Variants in ENPP3 observed in about 807,000 individuals in gnomAD.
The protein encoded by ENPP3 is ectonucleotide pyrophosphatase/phosphodiesterase family member 3.
Under a neutral mutation model 117.8 loss-of-function variants are expected in ENPP3, and 104 were observed. The observed-to-expected ratio is 0.88, with a 90% confidence interval of 0.75 to 1.04. The LOEUF is 1.04. Ranked by LOEUF, ENPP3 falls within the 50% of genes least tolerant of loss-of-function variation. ENPP3 has a pLI of 0.00. For synonymous variants in ENPP3, 380 were observed against 349.9 expected, an observed-to-expected ratio of 1.09 and a Z score of -0.96; for missense variants, 1,026 against 1,051.9, an observed-to-expected ratio of 0.98 and a Z score of 0.34.
intron 6 of ENPP3, among the ~76,000 whole-genome samples, chr6:131,663,745 CAT>C (rs1778555326): frequency 6.6e-6 from 1 of 151,412 alleles, no homozygotes; most frequent in Non-Finnish European, 1.5e-5. Flanking sequence ...ATTATAATGT[CAT>C]AGTGCAATGC....
intron 6 of ENPP3, among the ~76,000 whole-genome samples, chr6:131,660,226 T>C (rs1778470451): frequency 6.6e-6 from 1 of 152,168 alleles, no homozygotes; most frequent in Non-Finnish European, 1.5e-5. Context: ...ATTAGGATTA[T>C]GTTAGTCTTG....
chr6:131,650,088 T>G lies in ENPP3; in HGVS notation c.216T>G (p.Asp72Glu). 2 of 1,614,092 alleles carry G rather than the reference T, an allele frequency of 1.2e-6. No individual in the cohort carries two copies. Among genetic ancestry groups the G allele is most frequent in the Non-Finnish European group, 8.5e-7 (1 of 1,179,974 alleles). ...SFRGLENCRC[D>E]VACKDRGDCC... The stretch of plus-strand genomic sequence containing the variant: ...GAGGACTGGAGAACTGCCGGTGTGA[T>G]GTGGCATGTAAAGACCGAGGTGATT... The change falls in exon 3 of 25, where the codon GAT becomes GAG. Residue 72 changes from aspartate (D) to glutamate (E), a missense_variant. Physicochemically the swap from Asp to Glu is conservative, Grantham distance 45. Transcript: ENST00000357639.
At chr6:131,695,148 T>G (rs1371955051) in intron 15 of ENPP3, among the ~76,000 whole-genome samples, 1 of 152,098 alleles carries the variant, frequency 6.6e-6, no homozygotes, top group Non-Finnish European at 1.5e-5. Context: ...GTGAACAAAA[T>G]TAAGCTCTAC....
intron 14 of ENPP3, among the ~76,000 whole-genome samples, chr6:131,686,568 C>G (rs1352893928): frequency 2.0e-5 from 3 of 152,092 alleles, no homozygotes; most frequent in Non-Finnish European, 4.4e-5. Flanking sequence ...AGATTTGTTA[C>G]ATGGGAATAT....
chr6:131,638,848 A>C (rs1777981144), intron 1 of ENPP3, among the ~76,000 whole-genome samples: 1 of 151,318 alleles, frequency 6.6e-6, no homozygotes, highest in African/African-American at 2.4e-5. Flanking sequence ...GTATTTTTAG[A>C]GACTGGGTCT....
chr6:131,730,941 C>T (rs570632630), intron 20 of ENPP3, among the ~76,000 whole-genome samples: 3 of 151,530 alleles, frequency 2.0e-5, no homozygotes, highest in Admixed American at 6.6e-5. Context: ...AATTAGACTT[C>T]CTGGGCTGAT....
intron 6 of ENPP3, among the ~76,000 whole-genome samples, chr6:131,669,506 C>A (rs1160509228): frequency 1.3e-5 from 2 of 151,628 alleles, no homozygotes; most frequent in African/African-American, 4.8e-5. Flanking sequence ...AACTCCATCT[C>A]TACTAAAAAA....
intron 6 of ENPP3, among the ~76,000 whole-genome samples, chr6:131,669,728 C>T (rs575413451): frequency 6.6e-6 from 1 of 150,420 alleles, no homozygotes; most frequent in East Asian, 2.0e-4. Context: ...TTTCCTTCTC[C>T]TACCTTCCAA....
intron 9 of ENPP3, 27 bp downstream of exon 9, chr6:131,675,216 C>T (rs758851160): frequency 6.2e-6 from 8 of 1,284,402 alleles, no homozygotes; most frequent in Non-Finnish European, 9.1e-6. Flanking sequence ...AGATATTCTC[C>T]CAGCTAGGCA....
intron 6 of ENPP3, among the ~76,000 whole-genome samples, chr6:131,669,845 A>C (rs967419052): frequency 1.3e-5 from 2 of 152,092 alleles, no homozygotes; most frequent in Admixed American, 6.6e-5. Context: ...CCCCATGTCT[A>C]TTTGAGAAAA....
At chr6:131,726,346 G>C (rs1235042729) in intron 20 of ENPP3, 146 bp downstream of exon 20, 1 of 646,620 alleles carries the variant, frequency 1.5e-6, no homozygotes, top group Non-Finnish European at 2.6e-6. Flanking sequence ...GCAAGTATTA[G>C]ATAAAGGTTG....
At chr6:131,697,614 A>G (rs1034008518) in intron 15 of ENPP3, among the ~76,000 whole-genome samples, 2 of 151,192 alleles carry the variant, frequency 1.3e-5, no homozygotes, top group African/African-American at 2.4e-5. Context: ...GCGATGGGAG[A>G]CAGTGATTGG....
At chr6:131,645,559 G>A (rs1187868809) in intron 2 of ENPP3, among the ~76,000 whole-genome samples, 1 of 151,902 alleles carries the variant, frequency 6.6e-6, no homozygotes, top group African/African-American at 2.4e-5. Flanking sequence ...TTCTCATTTT[G>A]TTGAAGAACA....
chr6:131,727,274 G>A (rs1035174652), intron 20 of ENPP3, among the ~76,000 whole-genome samples: 1 of 152,060 alleles, frequency 6.6e-6, no homozygotes, highest in Non-Finnish European at 1.5e-5. Context: ...CAAAACTTAG[G>A]GCCAGGCACA....
rs539949201 is a variant in ENPP3, at chr6:131,742,130, G to T, written c.2457+1750G>T. 1.2e-4 allele frequency among the ~76,000 whole-genome samples: 18 copies of T among 152,264 alleles called. No individual in the cohort carries two copies. In the South Asian group the frequency reaches 3.7e-3, roughly 32 times the overall value. On this transcript the variant is annotated intron_variant, in intron 24 of 24. Coordinates refer to ENST00000357639, the MANE Select transcript of ENPP3 (RefSeq NM_005021.5). ...GGTGGCCAAGTTTAGAGGCTGAATA[G>T]TGAGCCACTCACTATTCTTAAAATG...
chr6:131,736,601 G>A (rs1255458317), intron 21 of ENPP3, among the ~76,000 whole-genome samples: 2 of 152,000 alleles, frequency 1.3e-5, no homozygotes, highest in East Asian at 1.9e-4. Flanking sequence ...GATTGGGGGG[G>A]ACACAGCCAA....
At chr6:131,706,858 T>TTA (rs372034391) in intron 15 of ENPP3, among the ~76,000 whole-genome samples, 18,683 of 135,820 alleles carry the variant, frequency 0.14, no homozygotes, top group South Asian at 0.23. Flanking sequence ...ATACATATCT[T>TTA]TATATATATA....
intron 11 of ENPP3, 30 bp from the exon 12 acceptor site, chr6:131,683,024 C>G (rs73779852): frequency 2.2e-6 from 3 of 1,337,260 alleles, no homozygotes; most frequent in African/African-American, 2.9e-5. Context: ...CAACTCATTA[C>G]GACAATCTTA....
intron 6 of ENPP3, among the ~76,000 whole-genome samples, chr6:131,666,653 C>T (rs75710363): frequency 0.012 from 1,765 of 152,286 alleles, 30 homozygotes; most frequent in African/African-American, 0.04. Flanking sequence ...ATCACCTCAA[C>T]GAGCATCTTT....
Sources: allele counts gnomAD v4.1 joint callset (sites outside exome capture counted in the v4.1 genomes callset), GRCh38; gene constraint gnomAD v4.1.1; transcripts MANE v1.5; gene names NCBI Gene and HGNC (gene_info 2026-07-23, HGNC 2026-07-21).